The following CAPZB variants were observed in gnomAD, a reference collection of about 807,000 sequenced individuals.
The protein encoded by CAPZB is F-actin-capping protein subunit beta.
CAPZB carries 2 observed loss-of-function variants against 38.1 expected under a neutral mutation model. That is an observed-to-expected ratio of 0.05 (90% CI 0.02 to 0.17). The LOEUF (loss-of-function observed/expected upper bound fraction) is 0.17, where lower values mean the gene tolerates loss of function less well. Among genes scored for constraint, CAPZB ranks in the 10% least tolerant of loss-of-function variants. The probability of loss-of-function intolerance (pLI) is 1.00; values close to 1 mark genes in which losing one functional copy is unlikely to be tolerated. For synonymous variants in CAPZB, 107 were observed against 127.4 expected (o/e 0.84, Z 1.08); for missense variants, 161 against 334.2 (o/e 0.48, Z 4.04).
chr1:19,416,792 A>G (rs2094381138), intron 2 of CAPZB, among the ~76,000 whole-genome samples: 1 of 139,714 alleles, frequency 7.2e-6, no homozygotes, highest in Non-Finnish European at 1.5e-5. Context: ...CCAGGAGTTT[A>G]GGAGGCTGCA....
intron 4 of CAPZB, among the ~76,000 whole-genome samples, chr1:19,365,370 G>A (rs552578919): frequency 2.6e-4 from 39 of 152,316 alleles, no homozygotes; most frequent in African/African-American, 4.3e-4. Context: ...AGGAATATAC[G>A]TGAAAGCAGG....
intron 2 of CAPZB, among the ~76,000 whole-genome samples, chr1:19,401,293 T>G (rs1280207272): frequency 3.9e-5 from 6 of 151,984 alleles, no homozygotes; most frequent in Non-Finnish European, 7.4e-5. Flanking sequence ...AAGATGGAAT[T>G]TTAAACACAA....
intron 1 of CAPZB, among the ~76,000 whole-genome samples, chr1:19,423,153 A>T (rs2094408243): frequency 6.6e-6 from 1 of 152,204 alleles, no homozygotes; most frequent in African/African-American, 2.4e-5. Flanking sequence ...AATTAATCTT[A>T]ATTGGAAATG....
At chr1:19,464,437 G>A (rs974121859) in intron 1 of CAPZB, among the ~76,000 whole-genome samples, 1 of 151,570 alleles carries the variant, frequency 6.6e-6, no homozygotes, top group African/African-American at 2.4e-5. Context: ...GACTACAGGT[G>A]CCCGCCACCA....
chr1:19,431,594 G>A lies in CAPZB; in HGVS notation c.4-11844C>T, dbSNP rs557481665. Among the ~76,000 whole-genome samples the A allele has an allele frequency of 5.9e-5, 9 of 152,142 alleles. No individual in the cohort carries two copies. The Middle Eastern group carries it at 0.014, about 232-fold the overall frequency. On this transcript the variant is annotated intron_variant, in intron 1 of 8. Coordinates refer to ENST00000264202, the MANE Select transcript of CAPZB (RefSeq NM_004930.5). The stretch of plus-strand genomic sequence containing the variant: ...AAATCAGCTGGGCGTGGTGGCGGGC[G>A]CCTGTAGTCCCAGCTACTTGGGAGG...
At chr1:19,430,440 G>T (rs1208105659) in intron 1 of CAPZB, among the ~76,000 whole-genome samples, 1 of 152,264 alleles carries the variant, frequency 6.6e-6, no homozygotes, top group East Asian at 1.9e-4. Context: ...TCTAATTGCT[G>T]AACACAGAAC....
At chr1:19,447,593 AT>A (rs1352431922) in intron 1 of CAPZB, among the ~76,000 whole-genome samples, 1 of 152,042 alleles carries the variant, frequency 6.6e-6, no homozygotes, top group African/African-American at 2.4e-5. Flanking sequence ...CACAAGATCT[AT>A]TTTTTGTGCC....
At chr1:19,352,540 T>G (rs569095444) in intron 6 of CAPZB, among the ~76,000 whole-genome samples, 1 of 152,370 alleles carries the variant, frequency 6.6e-6, no homozygotes, top group South Asian at 2.1e-4. Flanking sequence ...ATTTTGGAAC[T>G]TGGGGCTTGC....
chr1:19,479,203 C>CT (rs2100812163), intron 1 of CAPZB, among the ~76,000 whole-genome samples: 1 of 152,194 alleles, frequency 6.6e-6, no homozygotes, highest in African/African-American at 2.4e-5. Flanking sequence ...GAGCGAGACT[C>CT]TGTCTCAAAC....
chr1:19,416,578 A>G (rs2094380200), intron 2 of CAPZB, among the ~76,000 whole-genome samples: 1 of 152,180 alleles, frequency 6.6e-6, no homozygotes, highest in Non-Finnish European at 1.5e-5. Flanking sequence ...CACCTCCACC[A>G]GCTCTAGCAT....
intron 1 of CAPZB, among the ~76,000 whole-genome samples, chr1:19,443,267 G>A (rs1026650666): frequency 3.3e-5 from 5 of 151,748 alleles, no homozygotes; most frequent in Non-Finnish European, 7.4e-5. Context: ...ATGGTAGCGC[G>A]TGCCTGTAGT....
chr1:19,468,989 T>C (rs913280941), intron 1 of CAPZB, among the ~76,000 whole-genome samples: 5 of 152,178 alleles, frequency 3.3e-5, no homozygotes, highest in Admixed American at 3.3e-4. Flanking sequence ...AGTCTGTCCG[T>C]CTGTCTGACT....
chr1:19,407,409 C>T (rs1396212734), intron 2 of CAPZB, among the ~76,000 whole-genome samples: 4 of 152,106 alleles, frequency 2.6e-5, no homozygotes, highest in African/African-American at 9.7e-5. Flanking sequence ...AGGACCCTCA[C>T]ACATAGACTG....
At chr1:19,485,155 G>A (rs1033763031) in intron 1 of CAPZB, among the ~76,000 whole-genome samples, 1 of 152,200 alleles carries the variant, frequency 6.6e-6, no homozygotes, top group African/African-American at 2.4e-5. Context: ...GGTCTAGCCT[G>A]GGCTATGGGA....
chr1:19,462,864 C>G (rs1334441723), intron 1 of CAPZB, among the ~76,000 whole-genome samples: 3 of 152,140 alleles, frequency 2.0e-5, no homozygotes, highest in Non-Finnish European at 4.4e-5. Context: ...AATTTCAGTC[C>G]ACTAAAATGA....
At chr1:19,484,264 G>T (rs750132724) in intron 1 of CAPZB, 1 of 1,612,064 alleles carries the variant, frequency 6.2e-7, no homozygotes, top group Non-Finnish European at 8.5e-7. Flanking sequence ...GGGAGGCTGC[G>T]CCTGCTTGGG....
At chr1:19,453,301 G>A (rs1352133409) in intron 1 of CAPZB, among the ~76,000 whole-genome samples, 6 of 151,856 alleles carry the variant, frequency 4.0e-5, no homozygotes, top group Admixed American at 1.3e-4. Context: ...TCACTTTGTC[G>A]CCTAGGCTGG....
At chr1:19,483,381 C>T (rs1462939104) in intron 1 of CAPZB, among the ~76,000 whole-genome samples, 1 of 152,216 alleles carries the variant, frequency 6.6e-6, no homozygotes, top group Admixed American at 6.5e-5. Context: ...TGAGCAACAC[C>T]CTGAATAAGT....
intron 7 of CAPZB, among the ~76,000 whole-genome samples, chr1:19,344,881 G>C (rs1045757485): frequency 1.3e-5 from 2 of 152,212 alleles, no homozygotes; most frequent in Non-Finnish European, 2.9e-5. Flanking sequence ...CCAGCGCAGG[G>C]CCCTGTTCAC....
Sources: gnomAD v4.1 joint callset for allele counts (sites outside exome capture counted in the v4.1 genomes callset) on GRCh38, gnomAD v4.1.1 for gene constraint, MANE v1.5 for transcripts, NCBI Gene and HGNC (gene_info 2026-07-23, HGNC 2026-07-21) for gene names.